The following FAM91A1 variants were observed in gnomAD, a reference collection of about 807,000 sequenced individuals.
FAM91A1 encodes the protein family with sequence similarity 91 member A1, also known as protein FAM91A1.
Under a neutral mutation model 113.5 loss-of-function variants are expected in FAM91A1, and 41 were observed. The ratio of observed to expected loss-of-function variants is 0.36; its 90% CI spans 0.28 to 0.47. The LOEUF (loss-of-function observed/expected upper bound fraction) is 0.47. FAM91A1 is among the 20% of genes least tolerant of loss of function. The pLI, the probability that FAM91A1 is intolerant of heterozygous loss-of-function variation, is 1.00. For synonymous variants in FAM91A1, 307 were observed against 347.9 expected, an observed-to-expected ratio of 0.88 and a Z score of 1.31; for missense variants, 696 against 1,001.2, an observed-to-expected ratio of 0.70 and a Z score of 4.11.
At chr8:123,772,719 T>C (rs1015186744) in intron 1 of FAM91A1, among the ~76,000 whole-genome samples, 9 of 152,198 alleles carry the variant, frequency 5.9e-5, no homozygotes, top group Non-Finnish European at 1.5e-5. Flanking sequence ...AGCCTATAAC[T>C]GTTGACTTCC....
At chr8:123,789,583 TG>T in intron 14 of FAM91A1, 29 bp from the exon 15 acceptor site, 1 of 1,611,058 alleles carries the variant, frequency 6.2e-7, no homozygotes, top group African/African-American at 1.3e-5. Context: ...GTGGTATTTT[TG>T]TTGCAAAATC....
intron 15 of FAM91A1, among the ~76,000 whole-genome samples, chr8:123,790,783 C>G (rs965096744): frequency 6.6e-5 from 10 of 152,132 alleles, no homozygotes; most frequent in African/African-American, 1.9e-4. Context: ...ACTTCTGCAG[C>G]CTTAATATGC....
chr8:123,776,295 G>T (rs58056715), intron 3 of FAM91A1, among the ~76,000 whole-genome samples: 1 of 152,182 alleles, frequency 6.6e-6, no homozygotes, highest in Non-Finnish European at 1.5e-5. Flanking sequence ...CTCACTAGCC[G>T]CTTGAAGAGC....
In FAM91A1 at chr8:123,807,363, T is replaced by TGGCCAGGTAC. The variant is rs374367595; in HGVS notation, c.2033-908_2033-899dup. On this transcript the variant is annotated intron_variant, in intron 20 of 23. Coordinates refer to ENST00000334705, the MANE Select transcript of FAM91A1 (RefSeq NM_144963.4). ...CAATTTAATAAGACCAGGCCAGGCATGGCCAGGTACAGGCTCATGCCTGTA... is the reference window on the plus strand; with the variant it reads ...CAATTTAATAAGACCAGGCCAGGCATGGCCAGGTACGGCCAGGTACAGGCTCATGCCTGTA... Among the ~76,000 whole-genome samples the TGGCCAGGTAC allele has an allele frequency of 2.7e-3, 402 of 150,704 alleles. 5 individuals carry two copies. The highest frequency in any genetic ancestry group is 0.01 in the Middle Eastern group (3 of 286).
intron 13 of FAM91A1, 83 bp downstream of exon 13, chr8:123,787,456 T>TA: frequency 8.7e-7 from 1 of 1,153,808 alleles, no homozygotes; most frequent in Non-Finnish European, 1.3e-6. Context: ...ATATCTTTTT[T>TA]AAAGTACTAC....
intron 1 of FAM91A1, among the ~76,000 whole-genome samples, chr8:123,769,977 A>G (rs1043091643): frequency 1.4e-5 from 1 of 70,416 alleles, no homozygotes; most frequent in African/African-American, 4.8e-5. Flanking sequence ...TTTCTTTGAG[A>G]CAGAGTCTCC....
At chr8:123,791,167 C>CT (rs1246240160) in intron 15 of FAM91A1, among the ~76,000 whole-genome samples, 1 of 152,042 alleles carries the variant, frequency 6.6e-6, no homozygotes, top group African/African-American at 2.4e-5. Context: ...AAGTGTAACT[C>CT]CTATTATAGA....
rs1036079180 is a variant in FAM91A1, at chr8:123,785,559, T to G, written c.850-70T>G. The G allele has an allele frequency of 3.7e-6, 4 of 1,079,546 alleles. No individual in the cohort carries two copies. The African/African-American group carries it at 6.4e-5, about 17-fold the overall frequency. 66.9% of individuals were successfully genotyped at this position (1,079,546 alleles called of 1,614,324 possible). On this transcript the variant is annotated intron_variant, in intron 10 of 23. Coordinates refer to ENST00000334705, the MANE Select transcript of FAM91A1 (RefSeq NM_144963.4). ...ATCACTATTAGTCTATTACACTATT[T>G]TTTCTCTACAAATATTGTGATGTCT...
Position 123,788,489 on chromosome 8 carries a change from CTG to C in FAM91A1, c.1278+741_1278+742del, listed in dbSNP as rs1467577336. ...TCCTTTATATCTTAAAAAAAAAAGA[CTG>C]TAACATTTTTCACTGCTCCTACTCC... On this transcript the variant is annotated intron_variant, in intron 14 of 23. Transcript: ENST00000334705. Among the ~76,000 whole-genome samples, 19 of 151,908 alleles carry C rather than the reference CTG, an allele frequency of 1.3e-4. No individual in the cohort carries two copies. In the East Asian group the frequency reaches 1.7e-3, roughly 14 times the overall value.
intron 15 of FAM91A1, among the ~76,000 whole-genome samples, chr8:123,794,375 T>C (rs7821509): frequency 0.11 from 16,395 of 152,220 alleles, 1,904 homozygotes; most frequent in African/African-American, 0.29. Flanking sequence ...TACAGATCCA[T>C]TATAAAACAT....
chr8:123,784,103 T>G (rs1342613298), intron 8 of FAM91A1, among the ~76,000 whole-genome samples: 1 of 152,228 alleles, frequency 6.6e-6, no homozygotes, highest in African/African-American at 2.4e-5. Context: ...TCACCCCTGC[T>G]GCCTATGAGG....
chr8:123,799,584 C>G lies in FAM91A1; in HGVS notation c.1625C>G (p.Thr542Ser). Residue 542 changes from threonine to serine, a missense_variant, in exon 17 of 24, where the codon ACT becomes AGT. Thr to Ser is a moderately conservative substitution (Grantham distance 58). Coordinates refer to ENST00000334705, the MANE Select transcript of FAM91A1 (RefSeq NM_144963.4). ...TTTAAACTGTACATTTATCATGTCA[C>G]TGGACAAGGACCACCATCCCTTTTA... ...VWFKLYIYHV[T>S]GQGPPSLLLS... The G allele has an allele frequency of 6.2e-7, 1 of 1,614,088 alleles. No homozygotes were observed.
At chr8:123,801,485 A>G (rs746417168) in intron 18 of FAM91A1, among the ~76,000 whole-genome samples, 2 of 152,258 alleles carry the variant, frequency 1.3e-5, no homozygotes, top group South Asian at 2.1e-4. Context: ...CTCCGTAAAG[A>G]TTTCGTCAGT....
In FAM91A1 at chr8:123,787,723, G is replaced by A. The variant is rs1370793468; in HGVS notation, c.1251G>A (p.Leu417=). 2.5e-6 allele frequency: 4 copies of A among 1,612,448 alleles called. No individual in the cohort carries two copies. Among genetic ancestry groups the A allele is most frequent in the Non-Finnish European group, 3.4e-6 (4 of 1,179,416 alleles). Residue 417 remains leucine, a synonymous_variant, in exon 14 of 24, where the codon CTG becomes CTA. Coordinates refer to ENST00000334705, the MANE Select transcript of FAM91A1 (RefSeq NM_144963.4). ...TAGGCAAACTCTCAGATGAGTCTCT[G>A]GACAGCTTTCTTATAGAACTAGAAA... ...FEVGKLSDES[L]DSFLIELEKV...
intron 15 of FAM91A1, among the ~76,000 whole-genome samples, chr8:123,791,139 G>A (rs1210928974): frequency 6.6e-6 from 1 of 152,174 alleles, no homozygotes; most frequent in East Asian, 1.9e-4. Flanking sequence ...GAACATTAGA[G>A]AGTACTAGTG....
intron 20 of FAM91A1, 34 bp downstream of exon 20, chr8:123,806,263 A>G (rs377443489): frequency 1.3e-6 from 2 of 1,585,358 alleles, no homozygotes; most frequent in Middle Eastern, 1.7e-4. Flanking sequence ...GGATTAAGAT[A>G]ATTGGTTTTG....
At position 123,797,722 on chromosome 8, in the gene FAM91A1, T is replaced by C. The variant is rs138309623; in HGVS notation, c.1412-368T>C. Among the ~76,000 whole-genome samples, 329 of 152,362 alleles carry C rather than the reference T, an allele frequency of 2.2e-3. 4 individuals are homozygous for C. The highest frequency in any genetic ancestry group is 7.5e-3 in the African/African-American group (310 of 41,580). On this transcript the variant is annotated intron_variant, in intron 15 of 23. Transcript: ENST00000334705. ...TAAGTCATTGGGAAGTCTGAAGTTA[T>C]ATACAGATTTTTGACTGTGCACGGC...
chr8:123,784,212 TTC>T (rs1407210400), intron 8 of FAM91A1, among the ~76,000 whole-genome samples: 1 of 152,182 alleles, frequency 6.6e-6, no homozygotes, highest in Admixed American at 6.6e-5. Flanking sequence ...CATCCAGCAT[TTC>T]TGAGTTACCT....
At chr8:123,789,073 G>A (rs1031628516) in intron 14 of FAM91A1, among the ~76,000 whole-genome samples, 1 of 152,148 alleles carries the variant, frequency 6.6e-6, no homozygotes, top group Admixed American at 6.5e-5. Flanking sequence ...AGTGAAGGCA[G>A]GGGTTTTGTC....
Sources: gnomAD v4.1 joint callset for allele counts (sites outside exome capture counted in the v4.1 genomes callset) on GRCh38, gnomAD v4.1.1 for gene constraint, MANE v1.5 for transcripts, NCBI Gene and HGNC (gene_info 2026-07-23, HGNC 2026-07-21) for gene names.